TAF10: variants seen among roughly 807,000 people sequenced by gnomAD.
The protein encoded by TAF10 is TATA-box binding protein associated factor 10, also known as transcription initiation factor TFIID subunit 10.
A neutral mutation model predicts 18.1 loss-of-function variants in TAF10; 2 were observed. That is an observed-to-expected ratio of 0.11 (90% confidence interval 0.05 to 0.35). The LOEUF (loss-of-function observed/expected upper bound fraction) is 0.35. Among genes scored for constraint, TAF10 ranks in the 10% least tolerant of loss-of-function variants. The pLI is 1.00. For missense variants in TAF10, 293 were observed against 306.9 expected, an observed-to-expected ratio of 0.95 and a Z score of 0.34; for synonymous variants, 158 against 134.6, an observed-to-expected ratio of 1.17 and a Z score of -1.20.
chr11:6,607,902 C>G lies in TAF10; in HGVS notation c.*3020G>C. 8.6e-6 allele frequency: 7 copies of G among 815,084 alleles called. No individual in the cohort carries two copies. Among genetic ancestry groups the G allele is most frequent in the Non-Finnish European group, 1.4e-5 (7 of 498,708 alleles). 50.5% of individuals were successfully genotyped at this position (815,084 alleles called of 1,614,324 possible). ...TCAGGGGAAGGTCTGAAATGGACAGCTTTGGGAGTTGCTGGCATGAATGAG... is the reference window on the plus strand; with the variant it reads ...TCAGGGGAAGGTCTGAAATGGACAGGTTTGGGAGTTGCTGGCATGAATGAG... On this transcript the variant is annotated 3_prime_UTR_variant, in exon 5 of 5. Coordinates refer to ENST00000299424, the MANE Select transcript of TAF10 (RefSeq NM_006284.4).
In TAF10 at chr11:6,611,297, C is replaced by T. The variant is rs751597945; in HGVS notation, c.459G>A (p.Arg153=). ...ATTTCTGGGCAGCTAAGGAGATGAG[C>T]CGAATTCTAGAGAGAAAAAACTTAG... ...GFEASDPRII[R]LISLAAQKFI... Residue 153 remains arginine (R), a synonymous_variant, in exon 4 of 5, where the codon CGG becomes CGA. Coordinates refer to ENST00000299424, the MANE Select transcript of TAF10 (RefSeq NM_006284.4). 2 of 1,614,068 alleles carry T rather than the reference C, an allele frequency of 1.2e-6. No individual in the cohort carries two copies. The highest frequency in any genetic ancestry group is 4.5e-5 in the East Asian group (2 of 44,882).
In TAF10 at chr11:6,611,291, G is replaced by A. The variant is rs974378495; in HGVS notation, c.465C>T (p.Ile155=). Residue 155 remains isoleucine, a synonymous_variant, in exon 4 of 5, where the codon ATC becomes ATT. Transcript: ENST00000299424. The part of the protein sequence containing the change: ...EASDPRIIRL[I]SLAAQKFISD... ...AGATGAATTTCTGGGCAGCTAAGGA[G>A]ATGAGCCGAATTCTAGAGAGAAAAA... 1.2e-6 allele frequency: 2 copies of A among 1,614,138 alleles called. No individual in the cohort carries two copies. The highest frequency in any genetic ancestry group is 3.3e-4 in the Middle Eastern group (2 of 6,062).
chr11:6,608,184 T>G lies in TAF10; in HGVS notation c.*2738A>C, dbSNP rs759535056. On this transcript the variant is annotated 3_prime_UTR_variant, in exon 5 of 5. Coordinates refer to ENST00000299424, the MANE Select transcript of TAF10 (RefSeq NM_006284.4). This position sits in a 1 kb window ranked among gnomAD's most constrained non-coding sequence, Gnocchi z 4.9. ...ACACCCCCCTGCATCTGGCAGCCAG[T>G]CATGGACACCGTGATATTGTACAGA... is the stretch of plus-strand genomic sequence containing the variant. The G allele has an allele frequency of 2.8e-5, 45 of 1,614,134 alleles. No homozygotes were observed. The highest frequency in any genetic ancestry group is 3.8e-5 in the Non-Finnish European group (45 of 1,180,028).
Position 6,611,793 on chromosome 11 carries a change from C to A in TAF10, c.258G>T (p.Ala86=). Residue 86 remains alanine (A), a synonymous_variant, in exon 2 of 5, where the codon GCG becomes GCT. Coordinates refer to ENST00000299424, the MANE Select transcript of TAF10 (RefSeq NM_006284.4). The part of the protein sequence containing the change: ...GAAPVSAGGA[A]PPEGAISNGV... ...CGTTAGATATGGCCCCCTCCGGGGGCGCCGCGCCACCCGCCGACACCGGAG... is the reference window on the plus strand; with the variant it reads ...CGTTAGATATGGCCCCCTCCGGGGGAGCCGCGCCACCCGCCGACACCGGAG... 1 of 1,601,752 alleles carries A rather than the reference C, an allele frequency of 6.2e-7. No homozygotes were observed. The highest frequency in any genetic ancestry group is 8.5e-7 in the Non-Finnish European group (1 of 1,174,242).
Position 6,609,487 on chromosome 11 carries a change from C to A in TAF10, c.*1435G>T. 6.2e-6 allele frequency: 10 copies of A among 1,614,102 alleles called. No homozygotes were observed. The highest frequency in any genetic ancestry group is 8.5e-6 in the Non-Finnish European group (10 of 1,180,022). On this transcript the variant is annotated 3_prime_UTR_variant, in exon 5 of 5. Coordinates refer to ENST00000299424, the MANE Select transcript of TAF10 (RefSeq NM_006284.4). ...CTGAAAGAGATCTTTTGTACTGGGT[C>A]TCAACCACTCCCTCCCTCTTCTAGG...
chr11:6,611,365 T>C, intron 3 of TAF10, 23 bp downstream of exon 3: 1 of 1,614,166 alleles, frequency 6.2e-7, no homozygotes, highest in Non-Finnish European at 8.5e-7. Context: ...CACCCAAAAC[T>C]AACCTGCCCT....
Position 6,611,306 on chromosome 11 carries a change from A to G in TAF10, c.453-3T>C. 6.2e-7 allele frequency: 1 copy of G among 1,614,052 alleles called. No homozygotes were observed. Among genetic ancestry groups the G allele is most frequent in the Non-Finnish European group, 8.5e-7 (1 of 1,180,020 alleles). On this transcript the variant is annotated splice_polypyrimidine_tract_variant and splice_region_variant and intron_variant, in intron 3 of 4. Coordinates refer to ENST00000299424, the MANE Select transcript of TAF10 (RefSeq NM_006284.4). ...CAGCTAAGGAGATGAGCCGAATTCT[A>G]GAGAGAAAAAACTTAGATGAGAAGG...
Position 6,609,048 on chromosome 11 carries a change from A to T in TAF10, c.*1874T>A. The T allele has an allele frequency of 2.5e-6, 4 of 1,612,232 alleles. No homozygotes were observed. Among genetic ancestry groups the T allele is most frequent in the Non-Finnish European group, 3.4e-6 (4 of 1,178,286 alleles). On this transcript the variant is annotated 3_prime_UTR_variant, in exon 5 of 5. Coordinates refer to ENST00000299424, the MANE Select transcript of TAF10 (RefSeq NM_006284.4). Reference sequence around the variant, plus strand: ...GGGCTGGGTTAGGGTGAAGCTGGGTACCTGACCTGCCCACACTCTTAGGAA... The same window carrying T: ...GGGCTGGGTTAGGGTGAAGCTGGGTTCCTGACCTGCCCACACTCTTAGGAA...
chr11:6,608,304 T>C lies in TAF10; in HGVS notation c.*2618A>G, dbSNP rs532339502. 4.0e-5 allele frequency: 63 copies of C among 1,557,536 alleles called. No homozygotes were observed. The Admixed American group carries it at 1.0e-3, about 25-fold the overall frequency. On this transcript the variant is annotated 3_prime_UTR_variant, in exon 5 of 5. Coordinates refer to ENST00000299424, the MANE Select transcript of TAF10 (RefSeq NM_006284.4). This position sits in a 1 kb window ranked among gnomAD's most constrained non-coding sequence, Gnocchi z 4.9. ...CATACAGTAGAAAGCATGTGTGCTCTTCCCCCTTTTCCCATGCCCTGACAC... is the reference window on the plus strand; with the variant it reads ...CATACAGTAGAAAGCATGTGTGCTCCTCCCCCTTTTCCCATGCCCTGACAC...
chr11:6,608,283 C>T lies in TAF10; in HGVS notation c.*2639G>A. On this transcript the variant is annotated 3_prime_UTR_variant, in exon 5 of 5. Transcript: ENST00000299424. This position sits in a 1 kb window ranked among gnomAD's most constrained non-coding sequence, Gnocchi z 4.9. ...GGTCAGTCACAGGCACTGTAACATACAGTAGAAAGCATGTGTGCTCTTCCC... is the reference window on the plus strand; with the variant it reads ...GGTCAGTCACAGGCACTGTAACATATAGTAGAAAGCATGTGTGCTCTTCCC... The T allele has an allele frequency of 6.3e-7, 1 of 1,580,394 alleles. No homozygotes were observed. The highest frequency in any genetic ancestry group is 2.2e-5 in the East Asian group (1 of 44,700).
Position 6,608,585 on chromosome 11 carries a change from A to C in TAF10, c.*2337T>G, listed in dbSNP as rs142651387. The C allele has an allele frequency of 7.6e-7, 1 of 1,313,732 alleles. No individual in the cohort carries two copies. The highest frequency in any genetic ancestry group is 1.4e-5 in the African/African-American group (1 of 69,040). 81.4% of individuals were successfully genotyped at this position (1,313,732 alleles called of 1,614,324 possible). A position where few individuals can be genotyped will look rare whatever the true frequency, so the allele number is the denominator to read the frequency against. On this transcript the variant is annotated 3_prime_UTR_variant, in exon 5 of 5. Transcript: ENST00000299424. This position sits in a 1 kb window ranked among gnomAD's most constrained non-coding sequence, Gnocchi z 4.9. ...ACCCTCAACCCATTCTGTCAGTACT[A>C]CTGTGTGACACTTACAGGATTAAGT...
Position 6,607,866 on chromosome 11 carries a change from T to G in TAF10, c.*3056A>C. 1 of 623,028 alleles carries G rather than the reference T, an allele frequency of 1.6e-6. No homozygotes were observed. The highest frequency in any genetic ancestry group is 1.8e-5 in the African/African-American group (1 of 54,446). 38.6% of individuals were successfully genotyped at this position (623,028 alleles called of 1,614,324 possible). A position where few individuals can be genotyped will look rare whatever the true frequency, so the allele number is the denominator to read the frequency against. On this transcript the variant is annotated 3_prime_UTR_variant, in exon 5 of 5. Coordinates refer to ENST00000299424, the MANE Select transcript of TAF10 (RefSeq NM_006284.4). ...TGTTGAGATATCTAGGTGGTTGGTTTGGTTTGAAGCTCAGGGGAAGGTCTG... is the reference window on the plus strand; with the variant it reads ...TGTTGAGATATCTAGGTGGTTGGTTGGGTTTGAAGCTCAGGGGAAGGTCTG...
chr11:6,609,870 C>T lies in TAF10; in HGVS notation c.*1052G>A. The T allele has an allele frequency of 6.2e-7, 1 of 1,614,224 alleles. No homozygotes were observed. The highest frequency in any genetic ancestry group is 1.3e-5 in the African/African-American group (1 of 75,062). On this transcript the variant is annotated 3_prime_UTR_variant, in exon 5 of 5. Transcript: ENST00000299424. ...GGTGAGGCCACAAGCTCACTCCTGGCCCAGGCCCCAAAAGCCCTTTGCCTA... is the reference window on the plus strand; with the variant it reads ...GGTGAGGCCACAAGCTCACTCCTGGTCCAGGCCCCAAAAGCCCTTTGCCTA...
rs1275689420 is a variant in TAF10 at position 6,609,506 on chromosome 11, T to C, written c.*1416A>G. The C allele has an allele frequency of 6.2e-7, 1 of 1,613,964 alleles. No individual in the cohort carries two copies. The highest frequency in any genetic ancestry group is 8.5e-7 in the Non-Finnish European group (1 of 1,180,024). ...CTGGGTCTCAACCACTCCCTCCCTC[T>C]TCTAGGATTTTCTCGCATCCAAATG... On this transcript the variant is annotated 3_prime_UTR_variant, in exon 5 of 5. Coordinates refer to ENST00000299424, the MANE Select transcript of TAF10 (RefSeq NM_006284.4).
Position 6,612,174 on chromosome 11 carries a change from A to C in TAF10, c.16T>G (p.Ser6Ala). 2 of 1,192,690 alleles carry C rather than the reference A, an allele frequency of 1.7e-6. No individual in the cohort carries two copies. Among genetic ancestry groups the C allele is most frequent in the South Asian group, 3.2e-5 (1 of 31,380 alleles). 73.9% of individuals were successfully genotyped at this position (1,192,690 alleles called of 1,614,324 possible). MSCSG[S>A]GADPEAAPAS... ...GGCGCCGCCTCGGGGTCCGCGCCGG[A>C]GCCGCTGCAGCTCATCGGGCCGGTG... The change falls in exon 1 of 5, where the codon TCC becomes GCC. Residue 6 changes from serine to alanine, a missense_variant. Coordinates refer to ENST00000299424, the MANE Select transcript of TAF10 (RefSeq NM_006284.4).
At position 6,608,594 on chromosome 11, in the gene TAF10, C is replaced by A; in HGVS notation, c.*2328G>T. On this transcript the variant is annotated 3_prime_UTR_variant, in exon 5 of 5. Transcript: ENST00000299424. This position sits in a 1 kb window ranked among gnomAD's most constrained non-coding sequence, Gnocchi z 4.9. Reference sequence around the variant, plus strand: ...CCATTCTGTCAGTACTACTGTGTGACACTTACAGGATTAAGTTCTACATTT... The same window carrying A: ...CCATTCTGTCAGTACTACTGTGTGAAACTTACAGGATTAAGTTCTACATTT... 2.3e-6 allele frequency: 3 copies of A among 1,330,372 alleles called. No individual in the cohort carries two copies. The highest frequency in any genetic ancestry group is 2.2e-6 in the Non-Finnish European group (2 of 921,386). The allele number at this position is 1,330,372 out of a possible 1,614,324, so 82.4% of individuals were successfully genotyped here. A position where few individuals can be genotyped will look rare whatever the true frequency, so the allele number is the denominator to read the frequency against.
chr11:6,609,914 C>T lies in TAF10; in HGVS notation c.*1008G>A. On this transcript the variant is annotated 3_prime_UTR_variant, in exon 5 of 5. Transcript: ENST00000299424. Reference sequence around the variant, plus strand: ...TTGCCTATCTATGACTTACCTCCTTCTATCTGTTTTCTCTTCCTCAGATTG... The same window carrying T: ...TTGCCTATCTATGACTTACCTCCTTTTATCTGTTTTCTCTTCCTCAGATTG... The T allele has an allele frequency of 2.5e-6, 4 of 1,614,178 alleles. No homozygotes were observed. The highest frequency in any genetic ancestry group is 3.4e-6 in the Non-Finnish European group (4 of 1,180,018).
chr11:6,607,931 C>A lies in TAF10; in HGVS notation c.*2991G>T. The A allele has an allele frequency of 7.3e-6, 8 of 1,098,210 alleles. No individual in the cohort carries two copies. The South Asian group carries it at 1.1e-4, about 15-fold the overall frequency. The allele number at this position is 1,098,210 out of a possible 1,614,324, so 68.0% of individuals were successfully genotyped here. A position where few individuals can be genotyped will look rare whatever the true frequency, so the allele number is the denominator to read the frequency against. On this transcript the variant is annotated 3_prime_UTR_variant, in exon 5 of 5. Transcript: ENST00000299424. ...GGGAGTTGCTGGCATGAATGAGAAT[C>A]AAAGTCCTAGAGAGGTAAGCCTTCC... is the stretch of plus-strand genomic sequence containing the variant.
intron 2 of TAF10, 97 bp downstream of exon 2, chr11:6,611,567 G>C: frequency 6.3e-7 from 1 of 1,589,036 alleles, no homozygotes; most frequent in East Asian, 2.2e-5. Flanking sequence ...ACACAGAAGA[G>C]CGACTAGGGG....
Sources: gnomAD v4.1 joint callset for allele counts on GRCh38, gnomAD v4.1.1 for gene constraint, Gnocchi (gnomAD v3.1) non-coding constraint, MANE v1.5 for transcripts, NCBI Gene and HGNC (gene_info 2026-07-23, HGNC 2026-07-21) for gene names.